ARHGEF19: variants seen among roughly 807,000 people sequenced by gnomAD.
ARHGEF19 encodes Rho guanine nucleotide exchange factor (GEF) 19.
A neutral mutation model predicts 87.6 loss-of-function variants in ARHGEF19; 92 were observed. The observed-to-expected ratio is 1.05, with a 90% CI of 0.89 to 1.25. The LOEUF (loss-of-function observed/expected upper bound fraction) is 1.25, where lower values mean the gene tolerates loss of function less well. Among genes scored for constraint, ARHGEF19 ranks in the 50% most tolerant of loss-of-function variants. The pLI is 0.00. For missense variants in ARHGEF19, 1,054 were observed against 1,051.8 expected (o/e 1.00, Z -0.03); for synonymous variants, 438 against 446.2 (o/e 0.98, Z 0.23).
In ARHGEF19 at chr1:16,206,483, C is replaced by T; in HGVS notation, c.1138-143G>A. 1 of 884,318 alleles carries T rather than the reference C, an allele frequency of 1.1e-6. No individual in the cohort carries two copies. The highest frequency in any genetic ancestry group is 1.7e-6 in the Non-Finnish European group (1 of 571,638). 54.8% of individuals were successfully genotyped at this position (884,318 alleles called of 1,614,324 possible). A position where few individuals can be genotyped will look rare whatever the true frequency, so the allele number is the denominator to read the frequency against. ...CACTCCTAATCTGGCGCCGGGCGGG[C>T]CCGGCGACCCACGTCCCGCCGCGGG... On this transcript the variant is annotated intron_variant, in intron 6 of 15. Transcript: ENST00000270747. The surrounding 1 kb of genome is among the most constrained non-coding windows in gnomAD (Gnocchi z 4.6).
Position 16,205,054 on chromosome 1 carries a change from G to A in ARHGEF19, c.1746+33C>T. The A allele has an allele frequency of 6.3e-7, 1 of 1,576,952 alleles. No individual in the cohort carries two copies. Among genetic ancestry groups the A allele is most frequent in the Non-Finnish European group, 8.6e-7 (1 of 1,161,038 alleles). On this transcript the variant is annotated intron_variant, in intron 11 of 15. Transcript: ENST00000270747. This position sits in a 1 kb window ranked among gnomAD's most constrained non-coding sequence, Gnocchi z 5.8. ...AAGGAAGAAACAAGAGCTGCCCCTTGGGGTCCCCATCCCGCTGGCTGCAGA... is the reference window on the plus strand; with the variant it reads ...AAGGAAGAAACAAGAGCTGCCCCTTAGGGTCCCCATCCCGCTGGCTGCAGA...
rs370340601 is a variant in ARHGEF19, at chr1:16,205,919, C to T, written c.1451+12G>A. On this transcript the variant is annotated intron_variant, in intron 8 of 15. Coordinates refer to ENST00000270747, the MANE Select transcript of ARHGEF19 (RefSeq NM_153213.5). This position sits in a 1 kb window ranked among gnomAD's most constrained non-coding sequence, Gnocchi z 5.8. ...TCCACGCCCCCGCCCCTTTCAGAGC[C>T]CCCAGCCCTACAGCAGGCGCTGGTA... 3.2e-4 allele frequency: 516 copies of T among 1,599,318 alleles called. 6 individuals carry two copies. The South Asian group carries it at 5.4e-3, about 17-fold the overall frequency.
Position 16,201,823 on chromosome 1 carries a change from G to C in ARHGEF19, c.2105C>G (p.Ser702Cys). The C allele has an allele frequency of 2.5e-6, 4 of 1,613,886 alleles. No homozygotes were observed. Among genetic ancestry groups the C allele is most frequent in the African/African-American group, 2.7e-5 (2 of 75,032 alleles). The change falls in exon 14 of 16, where the codon TCC (serine) becomes TGC (cysteine). Residue 702 changes from serine to cysteine, a missense_variant. By Grantham distance (112) the Ser-to-Cys change is moderately radical. Transcript: ENST00000270747. ...KQRWISALCP[S>C]SPQEDKEVIS... ...GACCTCCTTGTCCTCCTGGGGGCTGGAGGGGCACAAGGCTGAGATCCATCG... is the reference window on the plus strand; with the variant it reads ...GACCTCCTTGTCCTCCTGGGGGCTGCAGGGGCACAAGGCTGAGATCCATCG...
intron 2 of ARHGEF19, 149 bp from the exon 3 acceptor site, chr1:16,208,374 G>A: frequency 8.8e-7 from 1 of 1,135,640 alleles, no homozygotes; most frequent in Non-Finnish European, 1.2e-6. Flanking sequence ...GGTCCCCAGA[G>A]CCCTGGGGTC....
At chr1:16,210,501 A>C (rs2100296172) in intron 1 of ARHGEF19, among the ~76,000 whole-genome samples, 1 of 152,356 alleles carries the variant, frequency 6.6e-6, no homozygotes, top group African/African-American at 2.4e-5. Context: ...AAGACGTTCA[A>C]AAACAGAAAA....
chr1:16,203,625 C>T (rs1392471356), intron 12 of ARHGEF19, among the ~76,000 whole-genome samples: 1 of 152,196 alleles, frequency 6.6e-6, no homozygotes, highest in African/African-American at 2.4e-5. Flanking sequence ...CCCTCTGCTG[C>T]CTTTCTCCTT....
intron 13 of ARHGEF19, 109 bp from the exon 14 acceptor site, chr1:16,201,970 C>G (rs2081086844): frequency 1.2e-6 from 1 of 846,938 alleles, no homozygotes; most frequent in Non-Finnish European, 1.7e-6. Context: ...GGCCTAGGAC[C>G]CAGGCCTACC....
At position 16,201,831 on chromosome 1, in the gene ARHGEF19, C is replaced by T. The variant is rs1569699407; in HGVS notation, c.2097G>A (p.Leu699=). 9 of 1,613,906 alleles carry T rather than the reference C, an allele frequency of 5.6e-6. No individual in the cohort carries two copies. Among genetic ancestry groups the T allele is most frequent in the African/African-American group, 2.7e-5 (2 of 75,038 alleles). Residue 699 remains leucine (L), a synonymous_variant, in exon 14 of 16, where the codon TTG becomes TTA. Transcript: ENST00000270747. ...ESEKQRWISA[L]CPSSPQEDKE... is the part of the protein sequence containing the mutation. ...TGTCCTCCTGGGGGCTGGAGGGGCA[C>T]AAGGCTGAGATCCATCGCTGCTTCT...
chr1:16,199,410 G>A (rs1383502017), intron 14 of ARHGEF19, among the ~76,000 whole-genome samples, 156 bp from the exon 15 acceptor site: 2 of 151,900 alleles, frequency 1.3e-5, no homozygotes, highest in South Asian at 2.1e-4. Context: ...ACAGGCCCAC[G>A]TTCAAGCAGG....
rs1308592895 is a variant in ARHGEF19, at chr1:16,206,011, G to A, written c.1371C>T (p.Asp457=). The A allele has an allele frequency of 1.1e-5, 18 of 1,605,902 alleles. No individual in the cohort carries two copies. Among genetic ancestry groups the A allele is most frequent in the Non-Finnish European group, 1.5e-5 (18 of 1,176,328 alleles). Residue 457 remains aspartate (D), a synonymous_variant, in exon 8 of 16, where the codon GAC becomes GAT. Coordinates refer to ENST00000270747, the MANE Select transcript of ARHGEF19 (RefSeq NM_153213.5). The surrounding 1 kb of genome is among the most constrained non-coding windows in gnomAD (Gnocchi z 4.6). The part of the protein sequence containing the change: ...LRFSVCDVVL[D]HCPAFRRVYL... Reference sequence around the variant, plus strand: ...AGACTCTGCGGAAGGCCGGGCAGTGGTCCAGCACCACGTCGCACACGCTGA... The same window carrying A: ...AGACTCTGCGGAAGGCCGGGCAGTGATCCAGCACCACGTCGCACACGCTGA...
chr1:16,207,122 G>C lies in ARHGEF19; in HGVS notation c.963C>G (p.Ala321=), dbSNP rs1214614663. 6.6e-7 allele frequency: 1 copy of C among 1,517,408 alleles called. No homozygotes were observed. Among genetic ancestry groups the C allele is most frequent in the Non-Finnish European group, 8.8e-7 (1 of 1,136,808 alleles). The allele number at this position is 1,517,408 out of a possible 1,614,324, so 94.0% of individuals were successfully genotyped here. ...GCCCCGGCCCCTCCTCTGCGCCCTC[G>C]GCCTCGTCCCCCGGGCCCTCCTCCT... ...QREEEGPGDE[A]EGAEEGPGPP... is the part of the protein sequence containing the mutation. The change falls in exon 6 of 16, where the codon GCC becomes GCG. Residue 321 remains alanine (A), a synonymous_variant. Transcript: ENST00000270747. The surrounding 1 kb of genome is among the most constrained non-coding windows in gnomAD (Gnocchi z 4.0).
chr1:16,207,901 C>CCGCCA lies in ARHGEF19; in HGVS notation c.694+42_694+43insTGGCG. 1 of 1,575,234 alleles carries CCGCCA rather than the reference C, an allele frequency of 6.3e-7. No homozygotes were observed. Among genetic ancestry groups the CCGCCA allele is most frequent in the Non-Finnish European group, 8.6e-7 (1 of 1,159,408 alleles). On this transcript the variant is annotated intron_variant, in intron 3 of 15. Transcript: ENST00000270747. This position sits in a 1 kb window ranked among gnomAD's most constrained non-coding sequence, Gnocchi z 4.0. ...GGGCATCGCCCACCCCCACCCCCAC[C>CCGCCA]CGGCATCTGGCTGCCCTCAGGGCCC...
rs1177514152 is a variant in ARHGEF19, at chr1:16,206,690, C to T, written c.1137+258G>A. ...CGCTCCTCATCCGGCCCTGTCCTAT[C>T]CTAGGTTTCGTCCCGCTGGCTCCGC... On this transcript the variant is annotated intron_variant, in intron 6 of 15. Coordinates refer to ENST00000270747, the MANE Select transcript of ARHGEF19 (RefSeq NM_153213.5). The surrounding 1 kb of genome is among the most constrained non-coding windows in gnomAD (Gnocchi z 4.6). 8.7e-5 allele frequency: 45 copies of T among 516,962 alleles called. No individual in the cohort carries two copies. The East Asian group carries it at 1.6e-3, about 19-fold the overall frequency. 32.0% of individuals were successfully genotyped at this position (516,962 alleles called of 1,614,324 possible). A position where few individuals can be genotyped will look rare whatever the true frequency, so the allele number is the denominator to read the frequency against.
chr1:16,209,096 A>G lies in ARHGEF19; in HGVS notation c.-29-13T>C. The stretch of plus-strand genomic sequence containing the variant: ...CACCCACCTGGCCCTGCAGAAGAGA[A>G]GATATCAGACCTAGACAGAGGACAG... On this transcript the variant is annotated splice_polypyrimidine_tract_variant and intron_variant, in intron 1 of 15. Coordinates refer to ENST00000270747, the MANE Select transcript of ARHGEF19 (RefSeq NM_153213.5). 1 of 1,428,858 alleles carries G rather than the reference A, an allele frequency of 7.0e-7. No homozygotes were observed. Among genetic ancestry groups the G allele is most frequent in the Non-Finnish European group, 9.2e-7 (1 of 1,092,226 alleles). The allele number at this position is 1,428,858 out of a possible 1,614,324, so 88.5% of individuals were successfully genotyped here.
At position 16,208,805 on chromosome 1, in the gene ARHGEF19, C is replaced by G. The variant is rs768251204; in HGVS notation, c.250G>C (p.Gly84Arg). The G allele has an allele frequency of 6.2e-7, 1 of 1,613,504 alleles. No individual in the cohort carries two copies. Among genetic ancestry groups the G allele is most frequent in the Admixed American group, 1.7e-5 (1 of 59,922 alleles). Residue 84 changes from glycine to arginine, a missense_variant, in exon 2 of 16, where the codon GGC becomes CGC. Coordinates refer to ENST00000270747, the MANE Select transcript of ARHGEF19 (RefSeq NM_153213.5). The part of the protein sequence containing the change: ...QGLLWPLSPG[G>R]SDTEITSGGM... ...CCGCTGGTGATCTCTGTATCTGAGCCTCCTGGGGATAATGGCCATAGCAAC... is the reference window on the plus strand; with the variant it reads ...CCGCTGGTGATCTCTGTATCTGAGCGTCCTGGGGATAATGGCCATAGCAAC...
In ARHGEF19 at chr1:16,205,473, C is replaced by T; in HGVS notation, c.1582-48G>A. On this transcript the variant is annotated intron_variant, in intron 9 of 15. Coordinates refer to ENST00000270747, the MANE Select transcript of ARHGEF19 (RefSeq NM_153213.5). This position sits in a 1 kb window ranked among gnomAD's most constrained non-coding sequence, Gnocchi z 5.8. ...TGAGGCAGTCCTCATACTCCCGAGA[C>T]CCGGCCCGCCCACAGGTGTATCTCC... is the stretch of plus-strand genomic sequence containing the variant. 1 of 1,612,490 alleles carries T rather than the reference C, an allele frequency of 6.2e-7. No individual in the cohort carries two copies. Among genetic ancestry groups the T allele is most frequent in the East Asian group, 2.2e-5 (1 of 44,876 alleles).
chr1:16,201,373 A>G (rs2081082472), intron 14 of ARHGEF19, among the ~76,000 whole-genome samples: 1 of 151,506 alleles, frequency 6.6e-6, no homozygotes, highest in African/African-American at 2.4e-5. Flanking sequence ...TGCCACCACT[A>G]CCCCCACCAC....
At chr1:16,208,519 CACTAATCT>C in intron 2 of ARHGEF19, 116 bp downstream of exon 2, 1 of 1,302,842 alleles carries the variant, frequency 7.7e-7, no homozygotes, top group East Asian at 2.5e-5. Flanking sequence ...GTTTCCTTAT[CACTAATCT>C]ACCACTTGTC....
intron 2 of ARHGEF19, 89 bp downstream of exon 2, chr1:16,208,554 C>T (rs375050294): frequency 6.9e-7 from 1 of 1,451,776 alleles, no homozygotes; most frequent in Admixed American, 2.8e-5. Context: ...TTTGGGGGAA[C>T]CTTGGGACAT....
Sources: gnomAD v4.1 joint callset for allele counts (sites outside exome capture counted in the v4.1 genomes callset) on GRCh38, gnomAD v4.1.1 for gene constraint, Gnocchi (gnomAD v3.1) non-coding constraint, MANE v1.5 for transcripts, NCBI Gene and HGNC (gene_info 2026-07-23, HGNC 2026-07-21) for gene names.